The following SNTG1 variants were observed in gnomAD, a reference collection of about 807,000 sequenced individuals.
SNTG1 encodes the protein gamma-1-syntrophin.
Under a neutral mutation model 74.7 loss-of-function variants are expected in SNTG1, and 39 were observed. That is an observed-to-expected ratio of 0.52 (90% CI 0.40 to 0.68). The LOEUF (loss-of-function observed/expected upper bound fraction) is 0.68, where lower values mean the gene tolerates loss of function less well. Ranked by LOEUF, SNTG1 falls within the 30% of genes least tolerant of loss-of-function variation. The pLI is 0.00. For synonymous variants in SNTG1, 254 were observed against 217.1 expected (o/e 1.17, Z -1.49); for missense variants, 685 against 609.5 (o/e 1.12, Z -1.30).
At chr8:50,412,101 A>T (rs1563351169) in intron 4 of SNTG1, among the ~76,000 whole-genome samples, 2 of 152,134 alleles carry the variant, frequency 1.3e-5, no homozygotes, top group African/African-American at 2.4e-5. Flanking sequence ...AACAGAGTTA[A>T]TTTTTTTGTG....
intron 1 of SNTG1, among the ~76,000 whole-genome samples, chr8:50,069,583 ATTTTTTTTTTTTTTTTTTTTTTTTTTTT>A (rs71235778): frequency 1.5e-5 from 1 of 67,032 alleles, no homozygotes; most frequent in African/African-American, 6.9e-5. Flanking sequence ...ATTGGGAGGA[ATTTTTTTTTTTTTTTTTTTTTTTTTTTT>A]TTTTTTTTTT....
At chr8:50,171,255 G>A (rs549082436) in intron 1 of SNTG1, among the ~76,000 whole-genome samples, 1 of 151,914 alleles carries the variant, frequency 6.6e-6, no homozygotes, top group East Asian at 1.9e-4. Context: ...ATATATAATG[G>A]GAGTTTATTA....
chr8:50,338,653 T>C (rs1272597163), intron 2 of SNTG1, among the ~76,000 whole-genome samples: 1 of 152,044 alleles, frequency 6.6e-6, no homozygotes, highest in Non-Finnish European at 1.5e-5. Context: ...CAGTCTTTCA[T>C]GAAATTATTA....
chr8:50,553,123 T>C lies in SNTG1; in HGVS notation c.754T>C (p.Cys252Arg). ...GIIQCLSAED[C>R]VDWLQAIATN... ...TATTCAGTGCCTCTCTGCTGAAGAC[T>C]GCGTTGACTGGCTACAAGCAATAGC... is the stretch of plus-strand genomic sequence containing the variant. The change falls in exon 12 of 19, where the codon TGC (cysteine) becomes CGC (arginine). Residue 252 changes from cysteine to arginine, a missense_variant. Cys to Arg is a radical substitution (Grantham distance 180). Coordinates refer to ENST00000642720, the MANE Select transcript of SNTG1 (RefSeq NM_018967.5). 6.2e-7 allele frequency: 1 copy of C among 1,613,974 alleles called. No individual in the cohort carries two copies. The highest frequency in any genetic ancestry group is 8.5e-7 in the Non-Finnish European group (1 of 1,179,886).
intron 4 of SNTG1, among the ~76,000 whole-genome samples, chr8:50,414,380 T>C (rs1355377327): frequency 6.6e-6 from 1 of 152,122 alleles, no homozygotes; most frequent in Non-Finnish European, 1.5e-5. Context: ...GAGGTCAAGA[T>C]TGGCAAGTTT....
intron 4 of SNTG1, among the ~76,000 whole-genome samples, chr8:50,427,661 A>C (rs972368494): frequency 2.0e-5 from 3 of 152,176 alleles, no homozygotes; most frequent in Admixed American, 2.0e-4. Context: ...GCTCAACCTC[A>C]TGCAACCCTC....
chr8:49,967,589 G>A lies in SNTG1; in HGVS notation c.-103+55358G>A, dbSNP rs1334717558. Among the ~76,000 whole-genome samples the A allele has an allele frequency of 8.2e-5, 3 of 36,630 alleles. No homozygotes were observed. In the East Asian group the frequency reaches 0.029, roughly 359 times the overall value. The allele number at this position is 36,630 out of a possible 152,430, so 24.0% of individuals were successfully genotyped here. Reference sequence around the variant, plus strand: ...TGTTTTAATTCGAATTGGTTAATTTGGACAGGAAAAAAAGTTCAGTAAATA... The same window carrying A: ...TGTTTTAATTCGAATTGGTTAATTTAGACAGGAAAAAAAGTTCAGTAAATA... On this transcript the variant is annotated intron_variant, in intron 1 of 18. Coordinates refer to ENST00000642720, the MANE Select transcript of SNTG1 (RefSeq NM_018967.5).
intron 9 of SNTG1, among the ~76,000 whole-genome samples, chr8:50,527,569 A>C (rs976224127): frequency 1.3e-5 from 2 of 151,948 alleles, no homozygotes; most frequent in African/African-American, 4.8e-5. Context: ...ATTTATTTTG[A>C]GATACTTTGT....
At chr8:50,241,309 G>T (rs971752752) in intron 2 of SNTG1, among the ~76,000 whole-genome samples, 1 of 152,218 alleles carries the variant, frequency 6.6e-6, no homozygotes, top group Non-Finnish European at 1.5e-5. Context: ...AGCAGAGAGT[G>T]TGAATGGCAA....
At chr8:50,545,975 G>C (rs1472783345) in intron 11 of SNTG1, among the ~76,000 whole-genome samples, 1 of 152,078 alleles carries the variant, frequency 6.6e-6, no homozygotes, top group African/African-American at 2.4e-5. Flanking sequence ...TTGAAGGAGG[G>C]AAACCTACAG....
intron 1 of SNTG1, among the ~76,000 whole-genome samples, chr8:50,093,501 G>A (rs2079817005): frequency 6.6e-6 from 1 of 152,058 alleles, no homozygotes; most frequent in Non-Finnish European, 1.5e-5. Context: ...AGTGGTTTCT[G>A]TGAAGCCAAG....
At chr8:50,291,871 T>C (rs1312148852) in intron 2 of SNTG1, among the ~76,000 whole-genome samples, 1 of 152,140 alleles carries the variant, frequency 6.6e-6, no homozygotes, top group African/African-American at 2.4e-5. Flanking sequence ...TTGATGGATC[T>C]GATCTATGTG....
chr8:50,154,175 G>T (rs2082174191), intron 1 of SNTG1, among the ~76,000 whole-genome samples: 2 of 152,064 alleles, frequency 1.3e-5, no homozygotes, highest in African/African-American at 4.8e-5. Flanking sequence ...AGTAGGGGCA[G>T]ACTGACACCT....
chr8:49,963,872 TAGAA>T (rs1224577188), intron 1 of SNTG1, among the ~76,000 whole-genome samples: 10 of 152,264 alleles, frequency 6.6e-5, no homozygotes, highest in African/African-American at 2.4e-4. Context: ...CTTTTCAATT[TAGAA>T]AGACTTTTTC....
chr8:50,670,772 A>G (rs867134469), intron 15 of SNTG1, among the ~76,000 whole-genome samples: 3,897 of 149,608 alleles, frequency 0.026, 225 homozygotes, highest in African/African-American at 0.092. Context: ...TGGAGGCATC[A>G]CGCTACCTGA....
At chr8:50,078,117 C>T (rs890121706) in intron 1 of SNTG1, among the ~76,000 whole-genome samples, 3 of 152,160 alleles carry the variant, frequency 2.0e-5, no homozygotes, top group South Asian at 2.1e-4. Flanking sequence ...TGCTGAACTA[C>T]CAGTTCAGTT....
intron 8 of SNTG1, among the ~76,000 whole-genome samples, chr8:50,482,441 G>A (rs1452400668): frequency 6.6e-6 from 1 of 152,122 alleles, no homozygotes; most frequent in African/African-American, 2.4e-5. Context: ...ATTACCCTCA[G>A]TAGTTTTTGT....
At chr8:50,188,433 A>G (rs554315341) in intron 2 of SNTG1, among the ~76,000 whole-genome samples, 1 of 152,232 alleles carries the variant, frequency 6.6e-6, no homozygotes, top group South Asian at 2.1e-4. Context: ...GGGCTGCAGT[A>G]TTGCAGCTGC....
intron 1 of SNTG1, among the ~76,000 whole-genome samples, chr8:50,052,097 A>G (rs958187401): frequency 5.3e-5 from 8 of 152,048 alleles, no homozygotes; most frequent in Admixed American, 1.3e-4. Flanking sequence ...TAATTGAAAC[A>G]ATTCCAAAAA....
Sources: gnomAD v4.1 joint callset for allele counts (sites outside exome capture counted in the v4.1 genomes callset) on GRCh38, gnomAD v4.1.1 for gene constraint, MANE v1.5 for transcripts, NCBI Gene and HGNC (gene_info 2026-07-23, HGNC 2026-07-21) for gene names.